Variants in PEPD observed in about 807,000 individuals in gnomAD.
PEPD encodes peptidase D.
Under a neutral mutation model 60.7 loss-of-function variants are expected in PEPD, and 53 were observed. The observed-to-expected ratio is 0.87, with a 90% CI of 0.70 to 1.10. The LOEUF is 1.10. PEPD is among the 50% of genes least tolerant of loss of function. PEPD has a pLI of 0.00. For synonymous variants in PEPD, 267 were observed against 284.1 expected (o/e 0.94, Z 0.60); for missense variants, 711 against 711.9 (o/e 1.00, Z 0.01).
At chr19:33,491,344 G>C (rs140918387) in intron 5 of PEPD, among the ~76,000 whole-genome samples, 1,686 of 152,206 alleles carry the variant, frequency 0.011, 35 homozygotes, top group African/African-American at 0.038. Flanking sequence ...CAGCTACTCA[G>C]GAGGCTGAGG....
chr19:33,456,771 C>T (rs1418875987), intron 9 of PEPD, among the ~76,000 whole-genome samples: 4 of 152,144 alleles, frequency 2.6e-5, no homozygotes, highest in Admixed American at 2.6e-4. Context: ...AAACAGTCCT[C>T]AAAACTGCAG....
At chr19:33,520,005 T>C (rs1343782150) in intron 1 of PEPD, among the ~76,000 whole-genome samples, 4 of 151,200 alleles carry the variant, frequency 2.6e-5, no homozygotes, top group Non-Finnish European at 4.4e-5. Context: ...AGGTGGAGGT[T>C]GCAGTGAGCC....
At chr19:33,408,856 T>G (rs1182518784) in intron 11 of PEPD, among the ~76,000 whole-genome samples, 20 of 152,256 alleles carry the variant, frequency 1.3e-4, no homozygotes, top group Admixed American at 1.3e-3. Flanking sequence ...CAGATCAATT[T>G]CAATACAACA....
intron 9 of PEPD, among the ~76,000 whole-genome samples, chr19:33,455,495 GCTTT>G (rs1969778099): frequency 6.6e-6 from 1 of 151,214 alleles, no homozygotes; most frequent in Non-Finnish European, 1.5e-5. Context: ...CAGGTTTTTG[GCTTT>G]TTTTTCTCTT....
Position 33,481,460 on chromosome 19 carries a change from G to A in PEPD, c.504-3370C>T, listed in dbSNP as rs1049660008. Among the ~76,000 whole-genome samples the A allele has an allele frequency of 2.6e-5, 4 of 152,096 alleles. No individual in the cohort carries two copies. In the South Asian group the frequency reaches 8.3e-4, roughly 31 times the overall value. ...TTGTGCCTGTAGTCCCAGCTACTCA[G>A]GAGGCTGAGGCAGGAGAATTGCTTG... On this transcript the variant is annotated intron_variant, in intron 6 of 14. Transcript: ENST00000244137.
intron 9 of PEPD, among the ~76,000 whole-genome samples, chr19:33,442,036 A>G (rs1969488051): frequency 6.6e-6 from 1 of 152,158 alleles, no homozygotes; most frequent in South Asian, 2.1e-4. Context: ...GGCCTCCCCC[A>G]CTAGCTTGTG....
rs549346066 is a variant in PEPD at position 33,411,530 on chromosome 19, A to C, written c.818+142T>G. ...CGCAGGCCGATAGCCTTGGCAGAGA[A>C]GTCTGGGCCAAGAAGCCCAGGGACT... On this transcript the variant is annotated intron_variant, in intron 11 of 14. Coordinates refer to ENST00000244137, the MANE Select transcript of PEPD (RefSeq NM_000285.4). 7 of 692,278 alleles carry C rather than the reference A, an allele frequency of 1.0e-5. No homozygotes were observed. The Admixed American group carries it at 1.4e-4, about 14-fold the overall frequency. 42.9% of individuals were successfully genotyped at this position (692,278 alleles called of 1,614,324 possible).
intron 7 of PEPD, among the ~76,000 whole-genome samples, chr19:33,471,692 C>G (rs1348956537): frequency 6.6e-6 from 1 of 152,212 alleles, no homozygotes; most frequent in Non-Finnish European, 1.5e-5. Context: ...TGGCTCAGGA[C>G]AGGATGACAA....
intron 9 of PEPD, among the ~76,000 whole-genome samples, chr19:33,415,879 A>C (rs146536489): frequency 6.6e-6 from 1 of 152,356 alleles, no homozygotes; most frequent in African/African-American, 2.4e-5. Context: ...TTCACAGTGG[A>C]CTTCAGTCCT....
intron 3 of PEPD, 97 bp from the exon 4 acceptor site, chr19:33,501,098 T>A (rs1600166906): frequency 1.2e-6 from 1 of 802,124 alleles, no homozygotes; most frequent in East Asian, 2.4e-5. Context: ...GGAGCCCCAG[T>A]CCCATCCCTA....
intron 12 of PEPD, among the ~76,000 whole-genome samples, chr19:33,395,929 C>T (rs2039340757): frequency 1.3e-5 from 2 of 152,168 alleles, no homozygotes; most frequent in East Asian, 1.9e-4. Flanking sequence ...CTGCACGGGA[C>T]GTGAGTAGAA....
chr19:33,485,868 ACGGAG>A (rs769553081), intron 6 of PEPD, among the ~76,000 whole-genome samples: 98 of 152,126 alleles, frequency 6.4e-4, no homozygotes, highest in Non-Finnish European at 1.3e-3. Flanking sequence ...ATGGCAGGAA[ACGGAG>A]CCCCTGTCAC....
intron 1 of PEPD, among the ~76,000 whole-genome samples, chr19:33,520,951 C>A (rs750903087): frequency 1.9e-4 from 29 of 152,214 alleles, no homozygotes; most frequent in African/African-American, 7.0e-4. Context: ...CACCTTCCAA[C>A]CAGCCCCAGG....
chr19:33,497,628 T>C (rs1292784063), intron 4 of PEPD, among the ~76,000 whole-genome samples: 1 of 152,208 alleles, frequency 6.6e-6, no homozygotes, highest in East Asian at 1.9e-4. Flanking sequence ...CTGTGATTTG[T>C]CACTGACAGC....
At chr19:33,494,511 C>T (rs1201478553) in intron 4 of PEPD, among the ~76,000 whole-genome samples, 11 of 152,210 alleles carry the variant, frequency 7.2e-5, no homozygotes, top group Admixed American at 1.3e-4. Flanking sequence ...GACATTTTAG[C>T]TTTGCTCATA....
At chr19:33,517,273 A>G (rs35968262) in intron 1 of PEPD, among the ~76,000 whole-genome samples, 18,556 of 152,216 alleles carry the variant, frequency 0.12, 1,548 homozygotes, top group Non-Finnish European at 0.19. Context: ...TAAAAACATT[A>G]TGCCAGCCAG....
In PEPD at chr19:33,512,866, G is replaced by C; in HGVS notation, c.18-90C>G. ...CTGAGGTCGGGGTGACCGGAGGCCC[G>C]AGCCTGCCGTGGGACCCCCATCAGC... On this transcript the variant is annotated intron_variant, in intron 1 of 14. Transcript: ENST00000244137. 4 of 1,457,820 alleles carry C rather than the reference G, an allele frequency of 2.7e-6. No homozygotes were observed. The South Asian group carries it at 3.5e-5, about 13-fold the overall frequency. The allele number at this position is 1,457,820 out of a possible 1,614,324, so 90.3% of individuals were successfully genotyped here. A position where few individuals can be genotyped will look rare whatever the true frequency, so the allele number is the denominator to read the frequency against.
chr19:33,486,995 A>C (rs993701938), intron 6 of PEPD: 1 of 152,424 alleles, frequency 6.6e-6, no homozygotes, highest in African/African-American at 2.4e-5. Context: ...AATGCCGGGA[A>C]CAAGCAGCTT....
chr19:33,389,286 C>A (rs1409603163), intron 13 of PEPD, among the ~76,000 whole-genome samples: 1 of 152,156 alleles, frequency 6.6e-6, no homozygotes, highest in Non-Finnish European at 1.5e-5. Flanking sequence ...GGCCCCACAA[C>A]ACTTGCCTCT....
Sources: gnomAD v4.1 joint callset for allele counts (sites outside exome capture counted in the v4.1 genomes callset) on GRCh38, gnomAD v4.1.1 for gene constraint, MANE v1.5 for transcripts, NCBI Gene and HGNC (gene_info 2026-07-23, HGNC 2026-07-21) for gene names.